The following GTF2F2 variants were observed in gnomAD, a reference collection of about 807,000 sequenced individuals.
GTF2F2 encodes the protein ATP-dependent helicase GTF2F2.
GTF2F2 carries 23 observed loss-of-function variants against 42.2 expected under a neutral mutation model. That is an observed-to-expected ratio of 0.55 (90% CI 0.39 to 0.77). GTF2F2 has a LOEUF of 0.77. Among genes scored for constraint, GTF2F2 ranks in the 30% least tolerant of loss-of-function variants. The pLI is 0.00. For missense variants in GTF2F2, 261 were observed against 287.2 expected (o/e 0.91, Z 0.66); for synonymous variants, 105 against 100.8 (o/e 1.04, Z -0.25).
At chr13:45,194,022 T>C in intron 4 of GTF2F2, 1 of 1,614,094 alleles carries the variant, frequency 6.2e-7, no homozygotes, top group Non-Finnish European at 8.5e-7. Flanking sequence ...CCTCTGGAAA[T>C]CCATCCAGCC....
chr13:45,187,271 G>A (rs1872465938), intron 4 of GTF2F2, among the ~76,000 whole-genome samples: 1 of 151,996 alleles, frequency 6.6e-6, no homozygotes, highest in Non-Finnish European at 1.5e-5. Context: ...AATTTAAAAG[G>A]GGTATGTTTT....
At chr13:45,268,886 T>G (rs1593527774) in intron 7 of GTF2F2, among the ~76,000 whole-genome samples, 1 of 152,282 alleles carries the variant, frequency 6.6e-6, no homozygotes, top group East Asian at 1.9e-4. Context: ...GTATTACTAG[T>G]GTGTCTTTTG....
rs775305457 is a variant in GTF2F2, at chr13:45,151,661, T to C, written c.160-26T>C. ...ATAGTTTGAATACAGAAGTCTGTTA[T>C]AATCTCTGGTTAATGTGTCTATTAG... On this transcript the variant is annotated intron_variant, in intron 3 of 7. Transcript: ENST00000340473. 3.5e-5 allele frequency: 53 copies of C among 1,503,124 alleles called. No homozygotes were observed. In the Middle Eastern group the frequency reaches 8.6e-4, roughly 24 times the overall value. The allele number at this position is 1,503,124 out of a possible 1,614,324, so 93.1% of individuals were successfully genotyped here.
intron 5 of GTF2F2, among the ~76,000 whole-genome samples, chr13:45,215,556 T>TCAA (rs2138199060): frequency 6.6e-6 from 1 of 152,170 alleles, no homozygotes; most frequent in East Asian, 1.9e-4. Context: ...GGTCAGGAGT[T>TCAA]TGTGACCAGC....
intron 5 of GTF2F2, among the ~76,000 whole-genome samples, chr13:45,235,295 G>A (rs1006240190): frequency 1.3e-5 from 2 of 151,872 alleles, no homozygotes; most frequent in East Asian, 1.9e-4. Flanking sequence ...ATTAATATTT[G>A]TGAGACTAAA....
intron 5 of GTF2F2, among the ~76,000 whole-genome samples, chr13:45,242,256 CTTTTTT>C (rs71184405): frequency 1.7e-4 from 18 of 105,676 alleles, no homozygotes; most frequent in African/African-American, 6.7e-4. Context: ...GCTGGCACTT[CTTTTTT>C]TTTTTTTTTT....
intron 5 of GTF2F2, among the ~76,000 whole-genome samples, chr13:45,242,410 C>T (rs1300576929): frequency 1.3e-5 from 2 of 151,962 alleles, no homozygotes; most frequent in African/African-American, 4.8e-5. Flanking sequence ...CTCCGTCTCC[C>T]CCTTTCAAAA....
At chr13:45,244,705 C>T (rs1376136871) in intron 5 of GTF2F2, among the ~76,000 whole-genome samples, 1 of 152,190 alleles carries the variant, frequency 6.6e-6, no homozygotes, top group African/African-American at 2.4e-5. Flanking sequence ...GAGTCTCACT[C>T]TGTTGCCCAG....
intron 2 of GTF2F2, among the ~76,000 whole-genome samples, chr13:45,144,177 G>A (rs991295321): frequency 6.6e-6 from 1 of 151,868 alleles, no homozygotes; most frequent in Admixed American, 6.6e-5. Flanking sequence ...GCTTGAACCC[G>A]GGGAAGCAGA....
At chr13:45,129,611 C>T (rs1304806131) in intron 1 of GTF2F2, among the ~76,000 whole-genome samples, 2 of 152,114 alleles carry the variant, frequency 1.3e-5, no homozygotes, top group African/African-American at 4.8e-5. Flanking sequence ...CAGTATTGAC[C>T]ATCATTGCTG....
intron 6 of GTF2F2, among the ~76,000 whole-genome samples, chr13:45,254,538 T>C (rs1876019247): frequency 6.6e-6 from 1 of 152,158 alleles, no homozygotes; most frequent in African/African-American, 2.4e-5. Flanking sequence ...ATACCAACCC[T>C]ATGAAGAAAC....
At chr13:45,128,826 C>G (rs761626232) in intron 1 of GTF2F2, among the ~76,000 whole-genome samples, 1 of 151,952 alleles carries the variant, frequency 6.6e-6, no homozygotes, top group Non-Finnish European at 1.5e-5. Context: ...ACTCCTGGCT[C>G]AAGTGATCCT....
chr13:45,207,860 G>A (rs940833012), intron 5 of GTF2F2, among the ~76,000 whole-genome samples: 4 of 151,880 alleles, frequency 2.6e-5, no homozygotes, highest in African/African-American at 9.7e-5. Context: ...ATATGTATCC[G>A]AAATACTGTA....
At chr13:45,173,648 T>G (rs1421886529) in intron 4 of GTF2F2, among the ~76,000 whole-genome samples, 1 of 146,974 alleles carries the variant, frequency 6.8e-6, no homozygotes, top group South Asian at 2.2e-4. Flanking sequence ...GATGGAGTCT[T>G]GCTCTGTTAC....
intron 4 of GTF2F2, among the ~76,000 whole-genome samples, chr13:45,168,869 T>G (rs1871441146): frequency 1.0e-5 from 1 of 98,416 alleles, no homozygotes; most frequent in Non-Finnish European, 2.2e-5. Flanking sequence ...CCCTCCTTGC[T>G]TCTCTCCCTC....
chr13:45,174,766 G>A (rs1871791479), intron 4 of GTF2F2, among the ~76,000 whole-genome samples: 1 of 151,540 alleles, frequency 6.6e-6, no homozygotes, highest in African/African-American at 2.4e-5. Context: ...AGATCCACAG[G>A]TTAATGCCTT....
At chr13:45,142,980 A>T (rs1393745268) in intron 2 of GTF2F2, among the ~76,000 whole-genome samples, 3 of 152,196 alleles carry the variant, frequency 2.0e-5, no homozygotes, top group African/African-American at 7.2e-5. Context: ...CCTCCTCCTT[A>T]CTTTGCCAGT....
At chr13:45,242,802 T>G (rs1382314359) in intron 5 of GTF2F2, among the ~76,000 whole-genome samples, 3 of 152,236 alleles carry the variant, frequency 2.0e-5, no homozygotes, top group Non-Finnish European at 4.4e-5. Context: ...GTTGCTATTA[T>G]GTGAGAAATG....
intron 2 of GTF2F2, among the ~76,000 whole-genome samples, chr13:45,147,693 G>A (rs1870269576): frequency 6.6e-6 from 1 of 152,216 alleles, no homozygotes; most frequent in Non-Finnish European, 1.5e-5. Flanking sequence ...AAGTCCTACA[G>A]TAAACAAATC....
Sources: gnomAD v4.1 joint callset for allele counts (sites outside exome capture counted in the v4.1 genomes callset) on GRCh38, gnomAD v4.1.1 for gene constraint, MANE v1.5 for transcripts, NCBI Gene and HGNC (gene_info 2026-07-23, HGNC 2026-07-21) for gene names.